The following PDZRN4 variants were observed in gnomAD, a reference collection of about 807,000 sequenced individuals.
PDZRN4 encodes PDZ domain-containing RING finger protein 4.
PDZRN4 carries 70 observed loss-of-function variants against 99.0 expected under a neutral mutation model. The ratio of observed to expected loss-of-function variants is 0.71; its 90% confidence interval spans 0.58 to 0.86. PDZRN4 has a LOEUF of 0.86. PDZRN4 is among the 40% of genes least tolerant of loss of function. The pLI, the probability that PDZRN4 is intolerant of heterozygous loss-of-function variation, is 0.00. For missense variants in PDZRN4, 1,474 were observed against 1,331.2 expected, an observed-to-expected ratio of 1.11 and a Z score of -1.67; for synonymous variants, 551 against 501.6, an observed-to-expected ratio of 1.10 and a Z score of -1.32.
intron 3 of PDZRN4, among the ~76,000 whole-genome samples, chr12:41,495,141 G>A (rs1937971674): frequency 6.6e-6 from 1 of 152,082 alleles, no homozygotes; most frequent in African/African-American, 2.4e-5. Context: ...GTGCATGTGT[G>A]TGTGTGTGAA....
At chr12:41,302,935 TACACACACAC>T (rs71846165) in intron 3 of PDZRN4, among the ~76,000 whole-genome samples, 1 of 127,116 alleles carries the variant, frequency 7.9e-6, no homozygotes, top group African/African-American at 2.6e-5. Flanking sequence ...ATATATAAAA[TACACACACAC>T]ACACACACAC....
chr12:41,384,539 G>A (rs1952152023), intron 3 of PDZRN4, among the ~76,000 whole-genome samples: 1 of 152,162 alleles, frequency 6.6e-6, no homozygotes, highest in South Asian at 2.1e-4. Flanking sequence ...GAGTAGAATT[G>A]ATCTTGGAGA....
At chr12:41,261,648 C>T (rs1221469014) in intron 3 of PDZRN4, among the ~76,000 whole-genome samples, 2 of 152,076 alleles carry the variant, frequency 1.3e-5, no homozygotes, top group Non-Finnish European at 2.9e-5. Context: ...CACCACCTCG[C>T]CCAGCTAATA....
At chr12:41,468,610 A>G (rs1952953457) in intron 3 of PDZRN4, among the ~76,000 whole-genome samples, 1 of 152,244 alleles carries the variant, frequency 6.6e-6, no homozygotes, top group African/African-American at 2.4e-5. Context: ...CACTTTCCCA[A>G]GTAAATTCCC....
At chr12:41,254,817 C>T (rs1050247361) in intron 3 of PDZRN4, among the ~76,000 whole-genome samples, 2 of 152,162 alleles carry the variant, frequency 1.3e-5, no homozygotes, top group Non-Finnish European at 2.9e-5. Flanking sequence ...TCTGGCCAGG[C>T]ACAGTAGCTC....
intron 3 of PDZRN4, among the ~76,000 whole-genome samples, chr12:41,441,283 C>T (rs1434352579): frequency 6.6e-6 from 1 of 152,066 alleles, no homozygotes; most frequent in Non-Finnish European, 1.5e-5. Flanking sequence ...TCAGGAAAAC[C>T]AGAAGTAGAC....
At chr12:41,271,493 AT>A (rs1951314158) in intron 3 of PDZRN4, among the ~76,000 whole-genome samples, 1 of 152,204 alleles carries the variant, frequency 6.6e-6, no homozygotes, top group Admixed American at 6.5e-5. Flanking sequence ...AAAACTCAGA[AT>A]TTTTGGTCTA....
intron 3 of PDZRN4, among the ~76,000 whole-genome samples, chr12:41,314,470 T>C (rs1951626374): frequency 6.6e-6 from 1 of 152,206 alleles, no homozygotes; most frequent in South Asian, 2.1e-4. Context: ...AATTTACAGA[T>C]GTAGAATATG....
intron 3 of PDZRN4, among the ~76,000 whole-genome samples, chr12:41,326,150 AT>A (rs1555130103): frequency 6.7e-6 from 1 of 149,546 alleles, no homozygotes; most frequent in African/African-American, 2.5e-5. Flanking sequence ...CACTCGGCTA[AT>A]TTTTTTTTTA....
chr12:41,572,925 A>G lies in PDZRN4; in HGVS notation c.2146A>G (p.Met716Val). ...GFRNYNTSIDMQRGKLDDIME... is the reference protein window; with the variant it reads ...GFRNYNTSIDVQRGKLDDIME... ...CCGGAATTATAACACCAGCATAGATATGCAAAGGGGAAAGCTAGATGACAT... is the reference window on the plus strand; with the variant it reads ...CCGGAATTATAACACCAGCATAGATGTGCAAAGGGGAAAGCTAGATGACAT... Residue 716 changes from methionine (M) to valine (V), a missense_variant, in exon 10 of 10, where the codon ATG (methionine) becomes GTG (valine). Physicochemically the swap from Met to Val is conservative, Grantham distance 21. Coordinates refer to ENST00000402685, the MANE Select transcript of PDZRN4 (RefSeq NM_001164595.2). The G allele has an allele frequency of 6.2e-7, 1 of 1,614,180 alleles. No individual in the cohort carries two copies. Among genetic ancestry groups the G allele is most frequent in the Non-Finnish European group, 8.5e-7 (1 of 1,180,008 alleles).
intron 3 of PDZRN4, among the ~76,000 whole-genome samples, chr12:41,256,877 A>G (rs560564508): frequency 1.3e-5 from 2 of 152,316 alleles, no homozygotes; most frequent in Non-Finnish European, 2.9e-5. Flanking sequence ...TAATTAGTCA[A>G]CTGGCTAGCC....
intron 3 of PDZRN4, among the ~76,000 whole-genome samples, chr12:41,266,310 C>CAAAAAAAAAAAAAAAAAAAAAAAA (rs777855203): frequency 8.6e-5 from 1 of 11,676 alleles, no homozygotes; most frequent in African/African-American, 4.9e-4. Context: ...GACTCCGTCT[C>CAAAAAAAAAAAAAAAAAAAAAAAA]AAAAAAAAAA....
intron 3 of PDZRN4, among the ~76,000 whole-genome samples, chr12:41,325,811 T>G (rs935811728): frequency 2.0e-5 from 3 of 152,152 alleles, no homozygotes; most frequent in Admixed American, 2.0e-4. Context: ...ACATACACTA[T>G]GATAAGAAAT....
intron 3 of PDZRN4, among the ~76,000 whole-genome samples, chr12:41,348,434 T>C (rs879580904): frequency 2.0e-5 from 3 of 152,104 alleles, no homozygotes; most frequent in Non-Finnish European, 4.4e-5. Flanking sequence ...ATGCCTTAGG[T>C]TGAATTAAGG....
chr12:41,439,119 C>G (rs1565582962), intron 3 of PDZRN4, among the ~76,000 whole-genome samples: 1 of 152,176 alleles, frequency 6.6e-6, no homozygotes, highest in Non-Finnish European at 1.5e-5. Context: ...GTAATGTGAT[C>G]AGAGGCTCAT....
Position 41,306,890 on chromosome 12 carries a change from C to A in PDZRN4, c.843+112702C>A, listed in dbSNP as rs1383039959. Among the ~76,000 whole-genome samples the A allele has an allele frequency of 2.0e-5, 3 of 152,174 alleles. 1 individual carries two copies. The highest frequency in any genetic ancestry group is 6.5e-5 in the Admixed American group (1 of 15,272). ...AGATACTCCTCATTTCCATCTGAGA[C>A]CTCCTCAGAACAGCTTTTACCATTT... On this transcript the variant is annotated intron_variant, in intron 3 of 9. Transcript: ENST00000402685.
chr12:41,544,700 C>G (rs995213973), intron 5 of PDZRN4, among the ~76,000 whole-genome samples: 2 of 152,086 alleles, frequency 1.3e-5, no homozygotes, highest in Admixed American at 6.5e-5. Context: ...TGCCAAGAAG[C>G]TACTAAGCAT....
intron 3 of PDZRN4, among the ~76,000 whole-genome samples, chr12:41,283,857 T>G (rs749713702): frequency 6.6e-6 from 1 of 152,122 alleles, no homozygotes; most frequent in Non-Finnish European, 1.5e-5. Context: ...ATGGAACATA[T>G]CTCAAAATAA....
chr12:41,519,269 A>G (rs946435167), intron 5 of PDZRN4, among the ~76,000 whole-genome samples: 1 of 151,980 alleles, frequency 6.6e-6, no homozygotes, highest in East Asian at 1.9e-4. Flanking sequence ...GCACAATTCT[A>G]AGAGTTACTG....
Sources: gnomAD v4.1 joint callset for allele counts (sites outside exome capture counted in the v4.1 genomes callset) on GRCh38, gnomAD v4.1.1 for gene constraint, MANE v1.5 for transcripts, NCBI Gene and HGNC (gene_info 2026-07-23, HGNC 2026-07-21) for gene names.